ERBB4: variants seen among roughly 807,000 people sequenced by gnomAD.
ERBB4 encodes receptor tyrosine-protein kinase erbB-4.
Under a neutral mutation model 158.0 loss-of-function variants are expected in ERBB4, and 42 were observed. That is an observed-to-expected ratio of 0.27 (90% confidence interval 0.21 to 0.34). ERBB4 has a LOEUF of 0.34. Ranked by LOEUF, ERBB4 falls within the 10% of genes least tolerant of loss-of-function variation. The pLI, the probability that ERBB4 is intolerant of heterozygous loss-of-function variation, is 1.00. For missense variants in ERBB4, 1,333 were observed against 1,624.1 expected (o/e 0.82, Z 3.08); for synonymous variants, 583 against 558.7 (o/e 1.04, Z -0.61).
intron 1 of ERBB4, among the ~76,000 whole-genome samples, chr2:212,233,245 A>T (rs954981946): frequency 6.6e-6 from 1 of 152,184 alleles, no homozygotes; most frequent in African/African-American, 2.4e-5. Context: ...AGAGAGTTTC[A>T]CTTCAGGGAA....
intron 1 of ERBB4, among the ~76,000 whole-genome samples, chr2:212,146,386 T>C (rs948099532): frequency 1.3e-5 from 2 of 152,314 alleles, no homozygotes; most frequent in African/African-American, 4.8e-5. Context: ...AATACACAAG[T>C]GCCAAGAATT....
chr2:212,189,624 G>A (rs1329608844), intron 1 of ERBB4, among the ~76,000 whole-genome samples: 1 of 152,138 alleles, frequency 6.6e-6, no homozygotes, highest in Non-Finnish European at 1.5e-5. Flanking sequence ...ATGCCAATAA[G>A]GGCCTAGTGC....
At position 212,191,987 on chromosome 2, in the gene ERBB4, ATGT is replaced by A. The variant is rs1165933859; in HGVS notation, c.83-67087_83-67085del. ...ATATGTTATATGTTATATATGTTAT[ATGT>A]TATATATGTTATATATAATATATGT... On this transcript the variant is annotated intron_variant, in intron 1 of 27. Coordinates refer to ENST00000342788, the MANE Select transcript of ERBB4 (RefSeq NM_005235.3). Among the ~76,000 whole-genome samples the A allele has an allele frequency of 5.5e-4, 49 of 88,508 alleles. 1 individual carries two copies. Among genetic ancestry groups the A allele is most frequent in the South Asian group, 5.3e-3 (11 of 2,072 alleles). The allele number at this position is 88,508 out of a possible 152,430, so 58.1% of individuals were successfully genotyped here. A position where few individuals can be genotyped will look rare whatever the true frequency, so the allele number is the denominator to read the frequency against.
chr2:212,233,529 A>G (rs76357827), intron 1 of ERBB4, among the ~76,000 whole-genome samples: 6,251 of 152,234 alleles, frequency 0.041, 397 homozygotes, highest in African/African-American at 0.14. Flanking sequence ...ATATTAAGAA[A>G]CATAAGGATC....
At chr2:212,512,259 C>A (rs1318491995) in intron 1 of ERBB4, among the ~76,000 whole-genome samples, 5 of 152,004 alleles carry the variant, frequency 3.3e-5, no homozygotes, top group Non-Finnish European at 4.4e-5. Flanking sequence ...TGACTTCATA[C>A]CTTTAGAACT....
At chr2:211,752,382 T>C (rs974133846) in intron 4 of ERBB4, among the ~76,000 whole-genome samples, 1 of 151,600 alleles carries the variant, frequency 6.6e-6, no homozygotes, top group Non-Finnish European at 1.5e-5. Context: ...TAATTGAAGA[T>C]AGTTGAAGCA....
chr2:211,438,989 AGTGTGTGT>A (rs58211149), intron 20 of ERBB4, among the ~76,000 whole-genome samples: 87 of 149,194 alleles, frequency 5.8e-4, no homozygotes, highest in African/African-American at 2.0e-3. Context: ...AATATATTTG[AGTGTGTGT>A]GTGTGTGTGT....
intron 1 of ERBB4, among the ~76,000 whole-genome samples, chr2:212,260,453 T>C (rs527979185): frequency 3.3e-4 from 50 of 152,342 alleles, no homozygotes; most frequent in African/African-American, 1.1e-3. Flanking sequence ...ATTTGGTCTA[T>C]AGCATTAGCT....
At chr2:212,060,060 A>G (rs986767316) in intron 2 of ERBB4, among the ~76,000 whole-genome samples, 1 of 152,262 alleles carries the variant, frequency 6.6e-6, no homozygotes, top group Non-Finnish European at 1.5e-5. Context: ...AAGGGCTAAT[A>G]TCCAGAATCT....
intron 1 of ERBB4, among the ~76,000 whole-genome samples, chr2:212,357,139 C>A (rs890558897): frequency 1.3e-5 from 2 of 151,710 alleles, no homozygotes; most frequent in East Asian, 1.9e-4. Context: ...TGTCTCTCAG[C>A]TTTTGCTTTT....
chr2:211,986,399 T>A (rs925731462), intron 2 of ERBB4, among the ~76,000 whole-genome samples: 1 of 152,160 alleles, frequency 6.6e-6, no homozygotes, highest in Non-Finnish European at 1.5e-5. Context: ...TTACTCAAGA[T>A]CATATAGCTA....
chr2:211,827,031 G>A (rs1045517660), intron 3 of ERBB4, among the ~76,000 whole-genome samples: 1 of 151,868 alleles, frequency 6.6e-6, no homozygotes, highest in African/African-American at 2.4e-5. Flanking sequence ...GAATCCTGGG[G>A]GCTATGAAAT....
At chr2:212,093,900 T>G (rs749683235) in intron 2 of ERBB4, among the ~76,000 whole-genome samples, 19 of 152,186 alleles carry the variant, frequency 1.2e-4, no homozygotes, top group Non-Finnish European at 2.4e-4. Context: ...GAGAAATAAA[T>G]TATGTAAGTT....
intron 2 of ERBB4, among the ~76,000 whole-genome samples, chr2:211,952,077 A>G (rs1032552951): frequency 9.9e-5 from 15 of 152,128 alleles, no homozygotes; most frequent in African/African-American, 3.4e-4. Flanking sequence ...AGAGGGACAC[A>G]TGGAACTGAA....
At chr2:211,620,667 G>A (rs554033171) in intron 18 of ERBB4, among the ~76,000 whole-genome samples, 3 of 151,998 alleles carry the variant, frequency 2.0e-5, no homozygotes, top group Non-Finnish European at 4.4e-5. Flanking sequence ...ACAGAAAAAA[G>A]AAAACAGCCC....
chr2:212,181,182 T>C (rs2081849765), intron 1 of ERBB4, among the ~76,000 whole-genome samples: 1 of 151,718 alleles, frequency 6.6e-6, no homozygotes, highest in Non-Finnish European at 1.5e-5. Context: ...TCTTCATCAC[T>C]GTTTTCCTAT....
rs919005270 is a variant in ERBB4, at chr2:211,607,615, C to T, written c.2301+11562G>A. On this transcript the variant is annotated intron_variant, in intron 19 of 27. Transcript: ENST00000342788. ...CTCATAATTGTAATCCTCAGAGGTG[C>T]TCATTTTTTTTCTAATCACACTATG... Among the ~76,000 whole-genome samples the T allele has an allele frequency of 2.0e-5, 3 of 152,060 alleles. No individual in the cohort carries two copies. The South Asian group carries it at 6.2e-4, about 31-fold the overall frequency.
chr2:212,408,297 T>G (rs972739217), intron 1 of ERBB4, among the ~76,000 whole-genome samples: 1 of 152,064 alleles, frequency 6.6e-6, no homozygotes, highest in Admixed American at 6.6e-5. Context: ...TGTGTCCATG[T>G]GTTCTCATTG....
intron 2 of ERBB4, among the ~76,000 whole-genome samples, chr2:212,064,744 A>C (rs1477831914): frequency 6.6e-6 from 1 of 152,104 alleles, no homozygotes; most frequent in Non-Finnish European, 1.5e-5. Context: ...ACACATAGGA[A>C]GGATTTGAGT....
Sources: allele counts gnomAD v4.1 joint callset (sites outside exome capture counted in the v4.1 genomes callset), GRCh38; gene constraint gnomAD v4.1.1; transcripts MANE v1.5; gene names NCBI Gene and HGNC (gene_info 2026-07-23, HGNC 2026-07-21).